ABHD2: variants seen among roughly 807,000 people sequenced by gnomAD.
ABHD2 encodes the protein monoacylglycerol lipase ABHD2.
In ABHD2, 20 loss-of-function variants were observed where a neutral mutation model predicts 48.1. The ratio of observed to expected loss-of-function variants is 0.42; its 90% CI spans 0.29 to 0.60. The LOEUF (loss-of-function observed/expected upper bound fraction) is 0.60, where lower values mean the gene tolerates loss of function less well. ABHD2 is among the 20% of genes least tolerant of loss of function. ABHD2 has a pLI of 0.24. For synonymous variants in ABHD2, 209 were observed against 214.2 expected, an observed-to-expected ratio of 0.98 and a Z score of 0.21; for missense variants, 405 against 550.9, an observed-to-expected ratio of 0.74 and a Z score of 2.65.
intron 3 of ABHD2, among the ~76,000 whole-genome samples, chr15:89,118,810 T>G (rs1013532986): frequency 3.3e-5 from 5 of 152,212 alleles, no homozygotes; most frequent in African/African-American, 1.2e-4. Flanking sequence ...TTACCTCCTT[T>G]TCTTTTTTTT....
chr15:89,054,121 A>G, the ABHD2 span, among the ~76,000 whole-genome samples: 3 of 152,154 alleles, frequency 2.0e-5, no homozygotes, highest in Non-Finnish European at 4.4e-5. Context: ...CAGGAGTTCA[A>G]GACCAGCCTA....
the ABHD2 span, among the ~76,000 whole-genome samples, chr15:89,053,811 T>A: frequency 0.2 from 30,326 of 152,124 alleles, 3,170 homozygotes; most frequent in African/African-American, 0.25. Context: ...CAGGGTAAAG[T>A]GGTGCTCACA....
chr15:89,152,867 C>T (rs2050615577), intron 4 of ABHD2, among the ~76,000 whole-genome samples: 1 of 152,214 alleles, frequency 6.6e-6, no homozygotes, highest in Non-Finnish European at 1.5e-5. Context: ...TTACTACAAG[C>T]ATCCTTTTGA....
chr15:89,057,142 G>A, the ABHD2 span, among the ~76,000 whole-genome samples: 1 of 152,070 alleles, frequency 6.6e-6, no homozygotes, highest in African/African-American at 2.4e-5. Context: ...TTGAACTCCT[G>A]ACCTCAGGTG....
intron 1 of ABHD2, among the ~76,000 whole-genome samples, chr15:89,112,996 A>G (rs1472914363): frequency 1.3e-5 from 2 of 152,248 alleles, no homozygotes; most frequent in Admixed American, 1.3e-4. Context: ...AGAGCTTAGC[A>G]CGTAGATAGT....
intron 3 of ABHD2, among the ~76,000 whole-genome samples, chr15:89,122,745 CCTG>C (rs1328351674): frequency 6.6e-6 from 1 of 152,218 alleles, no homozygotes; most frequent in African/African-American, 2.4e-5. Context: ...TCTCTGGAAG[CCTG>C]CTATTAAAAT....
At position 89,176,932 on chromosome 15, in the gene ABHD2, A is replaced by G. The variant is rs1183940251; in HGVS notation, c.722+937A>G. Among the ~76,000 whole-genome samples the G allele has an allele frequency of 1.3e-5, 2 of 152,196 alleles. No individual in the cohort carries two copies. The highest frequency in any genetic ancestry group is 3.8e-4 in the East Asian group (2 of 5,202). On this transcript the variant is annotated intron_variant, in intron 6 of 10. Coordinates refer to ENST00000352732, the MANE Select transcript of ABHD2 (RefSeq NM_152924.5). The surrounding 1 kb of genome is among the most constrained non-coding windows in gnomAD (Gnocchi z 4.5). The stretch of plus-strand genomic sequence containing the variant: ...GTATATCTCATGCTGCAGTTTAAAC[A>G]TACCTTGTTACTTTCTGATGGATAG...
rs2051211101 is a variant in ABHD2, at chr15:89,186,411, C to G, written c.815+895C>G. On this transcript the variant is annotated intron_variant, in intron 7 of 10. Transcript: ENST00000352732. The surrounding 1 kb of genome is among the most constrained non-coding windows in gnomAD (Gnocchi z 4.3). ...TTATTATTATTGCTGACATCTCTGC[C>G]TCCTCCTCTACGCCTCTCATTCCCT... Among the ~76,000 whole-genome samples the G allele has an allele frequency of 6.6e-6, 1 of 152,118 alleles. No individual in the cohort carries two copies. The highest frequency in any genetic ancestry group is 2.4e-5 in the African/African-American group (1 of 41,410).
chr15:89,160,621 G>A (rs1398554291), intron 5 of ABHD2, among the ~76,000 whole-genome samples: 4 of 152,028 alleles, frequency 2.6e-5, no homozygotes, highest in Admixed American at 6.6e-5. Context: ...GTGGTTTAAA[G>A]CAATGATTTC....
At chr15:89,190,995 C>A in intron 8 of ABHD2, 85 bp from the exon 9 acceptor site, 1 of 1,351,688 alleles carries the variant, frequency 7.4e-7, no homozygotes, top group Non-Finnish European at 1.0e-6. Context: ...GCGTGAGGAA[C>A]TGGAGCCATC....
chr15:89,108,595 ATC>A (rs1031577692), intron 1 of ABHD2, among the ~76,000 whole-genome samples: 46 of 152,268 alleles, frequency 3.0e-4, no homozygotes, highest in African/African-American at 1.1e-3. Flanking sequence ...TTTGTTTGGG[ATC>A]TCTCTGCTCT....
At chr15:89,142,890 G>C (rs1448948256) in intron 3 of ABHD2, among the ~76,000 whole-genome samples, 3 of 152,144 alleles carry the variant, frequency 2.0e-5, no homozygotes, top group African/African-American at 7.2e-5. Flanking sequence ...GTTGAACCCA[G>C]TGACATTTTG....
the ABHD2 span, among the ~76,000 whole-genome samples, chr15:89,062,058 G>A: frequency 1.3e-5 from 2 of 152,094 alleles, no homozygotes; most frequent in African/African-American, 4.8e-5. Flanking sequence ...AGCAGGCAGA[G>A]CAATAAGGTT....
In ABHD2 at chr15:89,201,683, T is replaced by A; in HGVS notation, c.*6260T>A. 6.2e-7 allele frequency: 1 copy of A among 1,609,084 alleles called. No homozygotes were observed. Among genetic ancestry groups the A allele is most frequent in the Non-Finnish European group, 8.5e-7 (1 of 1,175,370 alleles). On this transcript the variant is annotated 3_prime_UTR_variant, in exon 11 of 11. Coordinates refer to ENST00000352732, the MANE Select transcript of ABHD2 (RefSeq NM_152924.5). ...AACACACTTTTCTATCCGATGGATTTCGCAATTTAAGATTTGTAGTGACTA... is the reference window on the plus strand; with the variant it reads ...AACACACTTTTCTATCCGATGGATTACGCAATTTAAGATTTGTAGTGACTA...
In ABHD2 at chr15:89,106,763, C is replaced by T. The variant is rs2049792830; in HGVS notation, c.-106-6962C>T. Among the ~76,000 whole-genome samples, 1 of 152,162 alleles carries T rather than the reference C, an allele frequency of 6.6e-6. No individual in the cohort carries two copies. The highest frequency in any genetic ancestry group is 1.5e-5 in the Non-Finnish European group (1 of 68,032). ...CATGTTGCCCACATTTAAGGTTGAC[C>T]ACTTTTATCTGGTGTAGCAAGTTCA... On this transcript the variant is annotated intron_variant, in intron 1 of 10. Coordinates refer to ENST00000352732, the MANE Select transcript of ABHD2 (RefSeq NM_152924.5). The surrounding 1 kb of genome is among the most constrained non-coding windows in gnomAD (Gnocchi z 4.2).
At chr15:89,048,606 C>A in the ABHD2 span, among the ~76,000 whole-genome samples, 1 of 151,998 alleles carries the variant, frequency 6.6e-6, no homozygotes, top group Non-Finnish European at 1.5e-5. Context: ...TCTTTTTATT[C>A]TTTTTTCTCT....
rs2051460518 is a variant in ABHD2, at chr15:89,200,964, C to T, written c.*5541C>T. The stretch of plus-strand genomic sequence containing the variant: ...GGGTGTGGTGGCGGGCGCCTGTAAT[C>T]CCAGCTACTCGGGAGGCTGAGGTGG... On this transcript the variant is annotated 3_prime_UTR_variant, in exon 11 of 11. Transcript: ENST00000352732. The T allele has an allele frequency of 1.0e-5, 5 of 492,290 alleles. No homozygotes were observed. In the Admixed American group the frequency reaches 1.1e-4, roughly 11 times the overall value. 30.5% of individuals were successfully genotyped at this position (492,290 alleles called of 1,614,324 possible). A position where few individuals can be genotyped will look rare whatever the true frequency, so the allele number is the denominator to read the frequency against.
At chr15:89,072,533 G>A in the ABHD2 span, among the ~76,000 whole-genome samples, 1 of 146,530 alleles carries the variant, frequency 6.8e-6, no homozygotes, top group South Asian at 2.3e-4. Flanking sequence ...GGAGGGGGAG[G>A]GGAAGGGGAA....
At chr15:89,076,426 TAATA>T in the ABHD2 span, among the ~76,000 whole-genome samples, 5 of 152,190 alleles carry the variant, frequency 3.3e-5, no homozygotes, top group Admixed American at 3.3e-4. Context: ...ATAATATAAT[TAATA>T]TTCATTCCCC....
Sources: gnomAD v4.1 joint callset for allele counts (sites outside exome capture counted in the v4.1 genomes callset) on GRCh38, gnomAD v4.1.1 for gene constraint, Gnocchi (gnomAD v3.1) non-coding constraint, MANE v1.5 for transcripts, NCBI Gene and HGNC (gene_info 2026-07-23, HGNC 2026-07-21) for gene names.